The following GRIA3 variants were observed in gnomAD, a reference collection of about 807,000 sequenced individuals.
The protein encoded by GRIA3 is glutamate receptor 3.
GRIA3 carries 3 observed loss-of-function variants against 63.0 expected under a neutral mutation model. The observed-to-expected ratio is 0.05, with a 90% CI of 0.02 to 0.12. GRIA3 has a LOEUF of 0.12. Among genes scored for constraint, GRIA3 ranks in the 10% least tolerant of loss-of-function variants. The pLI is 1.00. For missense variants in GRIA3, 347 were observed against 700.9 expected, an observed-to-expected ratio of 0.50 and a Z score of 5.70; for synonymous variants, 274 against 257.9, an observed-to-expected ratio of 1.06 and a Z score of -0.60.
At chrX:123,393,734 C>T (rs190535594) in intron 5 of GRIA3, among the ~76,000 whole-genome samples, 2 of 111,887 alleles carry the variant, frequency 1.8e-5, no homozygotes, top group East Asian at 5.6e-4. Flanking sequence ...ATAATTCTTT[C>T]TATTTTTCTG....
intron 4 of GRIA3, among the ~76,000 whole-genome samples, chrX:123,340,921 C>A (rs1482194693): frequency 1.8e-5 from 2 of 112,022 alleles, no homozygotes; most frequent in Non-Finnish European, 3.8e-5. Flanking sequence ...CAACAGGGAG[C>A]CAGAGCTTTT....
chrX:123,483,076 C>T, intron 15 of GRIA3, 30 bp downstream of exon 15: 1 of 1,113,878 alleles, frequency 9.0e-7, no homozygotes, highest in East Asian at 3.0e-5. Context: ...AACTAATCAG[C>T]TTTACTTTAC....
chrX:123,219,511 T>G (rs180714934), intron 2 of GRIA3, among the ~76,000 whole-genome samples: 63 of 112,412 alleles, frequency 5.6e-4, no homozygotes, highest in Non-Finnish European at 7.7e-4. Context: ...CGATCTATAA[T>G]GTAAAGAATT....
intron 3 of GRIA3, among the ~76,000 whole-genome samples, chrX:123,273,670 A>G (rs1367466725): frequency 2.7e-5 from 3 of 111,935 alleles, no homozygotes; most frequent in African/African-American, 6.5e-5. Context: ...AGACCTCTTC[A>G]TTCCTATCAT....
In GRIA3 at chrX:123,248,718, G is replaced by A. The variant is rs763360635; in HGVS notation, c.269-4585G>A. Among the ~76,000 whole-genome samples, 301 of 111,708 alleles carry A rather than the reference G, an allele frequency of 2.7e-3. 3 individuals are homozygous for A. The highest frequency in any genetic ancestry group is 3.3e-3 in the Non-Finnish European group (175 of 53,066). On this transcript the variant is annotated intron_variant, in intron 2 of 15. Transcript: ENST00000620443. ...AGAGAATTGCTTGAACCTGGGAGGC[G>A]GAGGTTGCAGTGAGCCGAGATCGGG...
chrX:123,361,482 A>G, intron 5 of GRIA3, among the ~76,000 whole-genome samples: 2 of 111,142 alleles, frequency 1.8e-5, no homozygotes, highest in South Asian at 7.7e-4. Context: ...CTGGTGCACA[A>G]CTTCTCTGGT....
chrX:123,204,409 G>A, intron 2 of GRIA3: 1 of 1,158,538 alleles, frequency 8.6e-7, no homozygotes, highest in East Asian at 3.3e-5. Context: ...GGCGTTACAG[G>A]TGAACTGTAA....
In GRIA3 at chrX:123,313,667, C is replaced by T. The variant is rs147044676; in HGVS notation, c.509-12359C>T. Reference sequence around the variant, plus strand: ...AAATTGAGAATGCTGAAGAATGTTCCCAGATAAGTGACTTGCCTGATGAGA... The same window carrying T: ...AAATTGAGAATGCTGAAGAATGTTCTCAGATAAGTGACTTGCCTGATGAGA... On this transcript the variant is annotated intron_variant, in intron 3 of 15. Transcript: ENST00000620443. Among the ~76,000 whole-genome samples the T allele has an allele frequency of 2.0e-3, 226 of 111,680 alleles. 1 individual carries two copies. The highest frequency in any genetic ancestry group is 7.0e-3 in the African/African-American group (214 of 30,709).
intron 5 of GRIA3, among the ~76,000 whole-genome samples, chrX:123,377,013 G>C (rs368951351): frequency 4.0e-4 from 41 of 103,264 alleles, no homozygotes; most frequent in African/African-American, 1.1e-3. Flanking sequence ...CGGCTCACTG[G>C]AAGCTCCGCC....
intron 15 of GRIA3, among the ~76,000 whole-genome samples, chrX:123,484,003 G>T (rs946279697): frequency 1.8e-5 from 2 of 111,545 alleles, no homozygotes; most frequent in African/African-American, 3.3e-5. Context: ...AGGGAGAGGT[G>T]GTTCTTTTAA....
In GRIA3 at chrX:123,423,896, T is replaced by C. The variant is rs142558222; in HGVS notation, c.1878-4045T>C. On this transcript the variant is annotated intron_variant, in intron 11 of 15. Coordinates refer to ENST00000620443, the MANE Select transcript of GRIA3 (RefSeq NM_007325.5). Reference sequence around the variant, plus strand: ...CTCAGAAAATCTAGTTCTTTATTATTACAGATAACAAGAGCATTGTATATT... The same window carrying C: ...CTCAGAAAATCTAGTTCTTTATTATCACAGATAACAAGAGCATTGTATATT... Among the ~76,000 whole-genome samples, 620 of 112,097 alleles carry C rather than the reference T, an allele frequency of 5.5e-3. 4 individuals carry two copies. Among genetic ancestry groups the C allele is most frequent in the African/African-American group, 0.019 (598 of 30,987 alleles).
At chrX:123,238,623 A>G (rs753905873) in intron 2 of GRIA3, among the ~76,000 whole-genome samples, 1 of 112,380 alleles carries the variant, frequency 8.9e-6, no homozygotes, top group Non-Finnish European at 1.9e-5. Context: ...AGGCTGTTTC[A>G]TTTATTTTTA....
At chrX:123,389,864 C>G (rs2045375545) in intron 5 of GRIA3, among the ~76,000 whole-genome samples, 1 of 110,195 alleles carries the variant, frequency 9.1e-6, no homozygotes, top group Non-Finnish European at 1.9e-5. Context: ...CGCCACCACG[C>G]CCGGCTAATT....
chrX:123,294,491 G>T (rs2044673654), intron 3 of GRIA3, among the ~76,000 whole-genome samples: 1 of 111,182 alleles, frequency 9.0e-6, no homozygotes, highest in Non-Finnish European at 1.9e-5. Flanking sequence ...CATTTGTTTG[G>T]AGTCTCCTGA....
At chrX:123,206,142 T>A (rs746196492) in intron 2 of GRIA3, among the ~76,000 whole-genome samples, 1 of 112,056 alleles carries the variant, frequency 8.9e-6, no homozygotes, top group Admixed American at 9.4e-5. Context: ...GTGTTTAGCC[T>A]GTCACTTCTC....
At chrX:123,381,520 T>C (rs2045324303) in intron 5 of GRIA3, among the ~76,000 whole-genome samples, 1 of 111,786 alleles carries the variant, frequency 8.9e-6, no homozygotes, top group Non-Finnish European at 1.9e-5. Flanking sequence ...AAAGGAGTAA[T>C]GTCTTAAAAT....
At chrX:123,283,916 C>T (rs1241986969) in intron 3 of GRIA3, among the ~76,000 whole-genome samples, 1 of 112,730 alleles carries the variant, frequency 8.9e-6, no homozygotes, top group Non-Finnish European at 1.9e-5. Flanking sequence ...AGATGGCCTC[C>T]TCAAGTGGGT....
At chrX:123,441,202 G>C (rs2045672197) in intron 12 of GRIA3, among the ~76,000 whole-genome samples, 1 of 112,019 alleles carries the variant, frequency 8.9e-6, no homozygotes, top group African/African-American at 3.2e-5. Flanking sequence ...TGAACAATAA[G>C]ACCATGGCTT....
chrX:123,458,290 T>A (rs1023642365), intron 12 of GRIA3, among the ~76,000 whole-genome samples: 9 of 109,020 alleles, frequency 8.3e-5, no homozygotes, highest in Non-Finnish European at 1.5e-4. Flanking sequence ...TGGCTGGGGA[T>A]AACCATTGCA....
Sources: allele counts gnomAD v4.1 joint callset (sites outside exome capture counted in the v4.1 genomes callset), GRCh38; gene constraint gnomAD v4.1.1; transcripts MANE v1.5; gene names NCBI Gene and HGNC (gene_info 2026-07-23, HGNC 2026-07-21).